Variants in SLC2A13 observed in about 807,000 individuals in gnomAD.
The protein encoded by SLC2A13 is solute carrier family 2 member 13.
Under a neutral mutation model 64.4 loss-of-function variants are expected in SLC2A13, and 32 were observed. The ratio of observed to expected loss-of-function variants is 0.50; its 90% CI spans 0.37 to 0.67. SLC2A13 has a LOEUF of 0.67. Among genes scored for constraint, SLC2A13 ranks in the 30% least tolerant of loss-of-function variants. SLC2A13 has a pLI of 0.00. For synonymous variants in SLC2A13, 338 were observed against 327.1 expected (o/e 1.03, Z -0.36); for missense variants, 743 against 829.2 (o/e 0.90, Z 1.28).
intron 1 of SLC2A13, among the ~76,000 whole-genome samples, chr12:40,076,185 T>G (rs569520361): frequency 6.6e-6 from 1 of 152,294 alleles, no homozygotes; most frequent in East Asian, 1.9e-4. Flanking sequence ...AATGTTTTCT[T>G]AAAAGTGCAG....
chr12:39,960,890 G>A (rs1946400850), intron 3 of SLC2A13, among the ~76,000 whole-genome samples: 1 of 150,920 alleles, frequency 6.6e-6, no homozygotes, highest in African/African-American at 2.4e-5. Context: ...TGAGATTACA[G>A]GCGCTCGCCA....
At chr12:40,101,227 C>G (rs1016198005) in intron 1 of SLC2A13, among the ~76,000 whole-genome samples, 1 of 151,802 alleles carries the variant, frequency 6.6e-6, no homozygotes, top group African/African-American at 2.4e-5. Context: ...ATATTTAAAA[C>G]AGGCACGCAG....
intron 7 of SLC2A13, among the ~76,000 whole-genome samples, chr12:39,782,804 G>A (rs1941043041): frequency 6.6e-6 from 1 of 152,196 alleles, no homozygotes; most frequent in Non-Finnish European, 1.5e-5. Context: ...GGTCCAGGCT[G>A]AGGTGGTCTC....
At chr12:39,951,616 G>A (rs1218412221) in intron 3 of SLC2A13, among the ~76,000 whole-genome samples, 1 of 152,082 alleles carries the variant, frequency 6.6e-6, no homozygotes. Context: ...AGCAATTTAT[G>A]GGTACTAGAA....
Position 39,820,669 on chromosome 12 carries a change from T to C in SLC2A13, c.1445+9434A>G, listed in dbSNP as rs1190290197. Among the ~76,000 whole-genome samples, 3 of 95,502 alleles carry C rather than the reference T, an allele frequency of 3.1e-5. No individual in the cohort carries two copies. The East Asian group carries it at 9.3e-4, about 30-fold the overall frequency. The allele number at this position is 95,502 out of a possible 152,430, so 62.7% of individuals were successfully genotyped here. On this transcript the variant is annotated intron_variant, in intron 7 of 9. Transcript: ENST00000280871. Reference sequence around the variant, plus strand: ...ATTTGGATATCTAATGCTGCTCTTCTTTCTGTGACCTAGCAGCATGTATAA... The same window carrying C: ...ATTTGGATATCTAATGCTGCTCTTCCTTCTGTGACCTAGCAGCATGTATAA...
At chr12:40,091,183 A>C (rs1198992148) in intron 1 of SLC2A13, among the ~76,000 whole-genome samples, 1 of 152,196 alleles carries the variant, frequency 6.6e-6, no homozygotes, top group Non-Finnish European at 1.5e-5. Flanking sequence ...CAGTATTATA[A>C]TCTTATGGGA....
chr12:39,805,710 T>C (rs1412597712), intron 7 of SLC2A13, among the ~76,000 whole-genome samples: 3 of 152,088 alleles, frequency 2.0e-5, no homozygotes. Flanking sequence ...CAAAGGTAAG[T>C]GAAGGGAGTT....
At chr12:40,094,539 G>A (rs982532579) in intron 1 of SLC2A13, among the ~76,000 whole-genome samples, 2 of 152,172 alleles carry the variant, frequency 1.3e-5, no homozygotes, top group African/African-American at 4.8e-5. Flanking sequence ...GCCTTTGGTA[G>A]GACAAGTAGG....
At chr12:39,992,302 T>C (rs1278528226) in intron 3 of SLC2A13, among the ~76,000 whole-genome samples, 1 of 152,196 alleles carries the variant, frequency 6.6e-6, no homozygotes, top group Non-Finnish European at 1.5e-5. Flanking sequence ...TATTCTATTT[T>C]CATTCTGAAT....
At chr12:39,844,058 C>G (rs577810059) in intron 6 of SLC2A13, among the ~76,000 whole-genome samples, 2 of 152,114 alleles carry the variant, frequency 1.3e-5, no homozygotes, top group African/African-American at 2.4e-5. Context: ...TGGGGCTCAT[C>G]ATTACTGTCT....
intron 3 of SLC2A13, among the ~76,000 whole-genome samples, chr12:39,998,833 A>G (rs1174453341): frequency 1.3e-5 from 2 of 152,144 alleles, no homozygotes; most frequent in African/African-American, 4.8e-5. Context: ...CAGGGGCAGA[A>G]TGATATGGCT....
At chr12:40,090,312 C>T (rs1216084326) in intron 1 of SLC2A13, among the ~76,000 whole-genome samples, 1 of 152,130 alleles carries the variant, frequency 6.6e-6, no homozygotes, top group Non-Finnish European at 1.5e-5. Context: ...GTTTATTCAT[C>T]TTAATTCCTA....
At position 39,951,297 on chromosome 12, in the gene SLC2A13, G is replaced by A; in HGVS notation, c.994C>T (p.Leu332=). 1.2e-6 allele frequency: 2 copies of A among 1,613,140 alleles called. No homozygotes were observed. Among genetic ancestry groups the A allele is most frequent in the Non-Finnish European group, 1.7e-6 (2 of 1,179,530 alleles). Residue 332 remains leucine, a synonymous_variant, in exon 4 of 10, where the codon CTA becomes TTA. Coordinates refer to ENST00000280871, the MANE Select transcript of SLC2A13 (RefSeq NM_052885.4). The part of the protein sequence containing the change: ...TRRALIVGCG[L]QMFQQLSGIN... The stretch of plus-strand genomic sequence containing the variant: ...CCTGAGAGCTGCTGGAACATTTGTA[G>A]GCCACAACCCACAATTAAAGCTCGG...
intron 4 of SLC2A13, among the ~76,000 whole-genome samples, chr12:39,909,857 TTG>T (rs1375122377): frequency 2.0e-5 from 3 of 150,566 alleles, no homozygotes; most frequent in African/African-American, 7.5e-5. Context: ...TTCTTACAGT[TTG>T]TTTTTTTTTT....
intron 4 of SLC2A13, among the ~76,000 whole-genome samples, chr12:39,897,727 C>T (rs1944965185): frequency 6.6e-6 from 1 of 152,056 alleles, no homozygotes; most frequent in African/African-American, 2.4e-5. Context: ...AATATCTTCA[C>T]TGTAGAGAAA....
intron 1 of SLC2A13, among the ~76,000 whole-genome samples, chr12:40,076,718 T>C (rs1005174153): frequency 1.3e-5 from 2 of 152,124 alleles, no homozygotes; most frequent in African/African-American, 4.8e-5. Context: ...CATTGAGAAA[T>C]CACCACAATG....
chr12:39,986,180 G>A (rs886691080), intron 3 of SLC2A13, among the ~76,000 whole-genome samples: 3 of 152,064 alleles, frequency 2.0e-5, no homozygotes, highest in African/African-American at 7.2e-5. Flanking sequence ...TAACCTCCAG[G>A]TGAGGATTTA....
At chr12:39,842,293 T>C (rs567896153) in intron 6 of SLC2A13, among the ~76,000 whole-genome samples, 1 of 152,216 alleles carries the variant, frequency 6.6e-6, no homozygotes, top group South Asian at 2.1e-4. Context: ...CCTGGTGAAG[T>C]ATGCAGGAGC....
At chr12:40,036,688 A>C (rs1437972300) in intron 2 of SLC2A13, among the ~76,000 whole-genome samples, 3 of 152,236 alleles carry the variant, frequency 2.0e-5, no homozygotes, top group African/African-American at 4.8e-5. Context: ...TTAGTGTTAT[A>C]ATAAGTCTTG....
Sources: allele counts gnomAD v4.1 joint callset (sites outside exome capture counted in the v4.1 genomes callset), GRCh38; gene constraint gnomAD v4.1.1; transcripts MANE v1.5; gene names NCBI Gene and HGNC (gene_info 2026-07-23, HGNC 2026-07-21).